The following PAK5 variants were observed in gnomAD, a reference collection of about 807,000 sequenced individuals.
PAK5 encodes the protein serine/threonine-protein kinase PAK 5.
In PAK5, 16 loss-of-function variants were observed where a neutral mutation model predicts 65.9. The ratio of observed to expected loss-of-function variants is 0.24; its 90% CI spans 0.16 to 0.37. The LOEUF is 0.37. PAK5 is among the 10% of genes least tolerant of loss of function. The pLI, the probability that PAK5 is intolerant of heterozygous loss-of-function variation, is 1.00. For missense variants in PAK5, 785 were observed against 903.9 expected (o/e 0.87, Z 1.69); for synonymous variants, 371 against 354.9 (o/e 1.05, Z -0.51).
intron 3 of PAK5, among the ~76,000 whole-genome samples, chr20:9,582,723 G>A (rs1021090824): frequency 1.3e-5 from 2 of 152,048 alleles, no homozygotes; most frequent in Admixed American, 6.6e-5. Context: ...AAAGTAGTTG[G>A]AATTCTTCTG....
At chr20:9,697,258 C>T (rs934664892) in intron 2 of PAK5, among the ~76,000 whole-genome samples, 6 of 152,094 alleles carry the variant, frequency 3.9e-5, no homozygotes, top group African/African-American at 1.4e-4. Context: ...CACTGCCCAT[C>T]ATGTAACAGA....
At chr20:9,719,753 C>T (rs1039863906) in intron 1 of PAK5, among the ~76,000 whole-genome samples, 2 of 152,122 alleles carry the variant, frequency 1.3e-5, no homozygotes, top group East Asian at 3.8e-4. Flanking sequence ...CTCTGGGCTT[C>T]CTCATCCTAA....
At chr20:9,727,590 T>C (rs2048290705) in intron 1 of PAK5, among the ~76,000 whole-genome samples, 1 of 152,186 alleles carries the variant, frequency 6.6e-6, no homozygotes, top group Non-Finnish European at 1.5e-5. Flanking sequence ...TCTCATTCCT[T>C]CTATGTTTAT....
At chr20:9,609,259 G>A (rs2046513565) in intron 3 of PAK5, among the ~76,000 whole-genome samples, 1 of 152,186 alleles carries the variant, frequency 6.6e-6, no homozygotes, top group African/African-American at 2.4e-5. Flanking sequence ...TGGCTTTCAG[G>A]TAGAGTCACA....
chr20:9,593,834 C>T (rs2046217558), intron 3 of PAK5, among the ~76,000 whole-genome samples: 1 of 152,182 alleles, frequency 6.6e-6, no homozygotes, highest in Non-Finnish European at 1.5e-5. Context: ...CTTTCTCTCT[C>T]TCTCTCTCTC....
chr20:9,552,956 G>A (rs1346637706), intron 7 of PAK5, among the ~76,000 whole-genome samples: 1 of 151,866 alleles, frequency 6.6e-6, no homozygotes, highest in Non-Finnish European at 1.5e-5. Flanking sequence ...TGAACTACTG[G>A]GCTCAAGCAA....
chr20:9,582,703 G>T (rs1475835195), intron 3 of PAK5, among the ~76,000 whole-genome samples: 3 of 152,044 alleles, frequency 2.0e-5, no homozygotes. Flanking sequence ...TGGGGGTAGG[G>T]TATCTATATA....
intron 4 of PAK5, among the ~76,000 whole-genome samples, chr20:9,579,462 A>C (rs1396562778): frequency 1.3e-5 from 2 of 152,212 alleles, no homozygotes; most frequent in Non-Finnish European, 1.5e-5. Context: ...ATCATAGACC[A>C]GTCAAATTTC....
At chr20:9,583,461 A>G (rs1269271594) in intron 3 of PAK5, among the ~76,000 whole-genome samples, 2 of 152,146 alleles carry the variant, frequency 1.3e-5, no homozygotes, top group Non-Finnish European at 2.9e-5. Flanking sequence ...ATTCCTTTAC[A>G]CTTATAGTTT....
chr20:9,626,744 T>G (rs2046849522), intron 3 of PAK5, among the ~76,000 whole-genome samples: 1 of 152,262 alleles, frequency 6.6e-6, no homozygotes, highest in Non-Finnish European at 1.5e-5. Flanking sequence ...CAGTTTGGAC[T>G]GAATTACCTA....
At chr20:9,713,887 G>T (rs1338990402) in intron 1 of PAK5, among the ~76,000 whole-genome samples, 1 of 151,912 alleles carries the variant, frequency 6.6e-6, no homozygotes, top group Non-Finnish European at 1.5e-5. Context: ...AAGAGAAGTT[G>T]ATTAATGAGT....
chr20:9,589,266 C>A (rs1283701057), intron 3 of PAK5, among the ~76,000 whole-genome samples: 2 of 152,190 alleles, frequency 1.3e-5, no homozygotes, highest in African/African-American at 4.8e-5. Context: ...TGGTAAAGAA[C>A]TGTCTTCCTT....
chr20:9,745,155 C>T (rs565940007), intron 1 of PAK5, among the ~76,000 whole-genome samples: 1 of 152,184 alleles, frequency 6.6e-6, no homozygotes, highest in East Asian at 1.9e-4. Context: ...CATTGGGGCT[C>T]ATTCATTCTT....
intron 3 of PAK5, among the ~76,000 whole-genome samples, chr20:9,606,431 G>A (rs2046456087): frequency 6.6e-6 from 1 of 152,146 alleles, no homozygotes; most frequent in Admixed American, 6.5e-5. Flanking sequence ...TTGTAGCAGT[G>A]TGAGAATGGA....
chr20:9,592,869 T>C (rs538244293), intron 3 of PAK5, among the ~76,000 whole-genome samples: 1 of 152,244 alleles, frequency 6.6e-6, no homozygotes, highest in East Asian at 1.9e-4. Flanking sequence ...TGTTGTGGGA[T>C]GTGGCTGTGG....
At chr20:9,685,447 C>T (rs1208344781) in intron 2 of PAK5, among the ~76,000 whole-genome samples, 7 of 152,038 alleles carry the variant, frequency 4.6e-5, no homozygotes. Flanking sequence ...GGGAGAACCA[C>T]AAATAATCAT....
Position 9,726,867 on chromosome 20 carries a change from A to G in PAK5, c.-161-15432T>C, listed in dbSNP as rs139021642. Among the ~76,000 whole-genome samples, 9 of 152,306 alleles carry G rather than the reference A, an allele frequency of 5.9e-5. No individual in the cohort carries two copies. In the East Asian group the frequency reaches 1.5e-3, roughly 26 times the overall value. On this transcript the variant is annotated intron_variant, in intron 1 of 9. Coordinates refer to ENST00000353224, the MANE Select transcript of PAK5 (RefSeq NM_177990.4). The stretch of plus-strand genomic sequence containing the variant: ...TATTAGCGACCAAAAAGGATGATCA[A>G]CTATGTATGCTAGACACCAAAGAGG...
chr20:9,586,754 T>A (rs1278733698), intron 3 of PAK5, among the ~76,000 whole-genome samples: 1 of 152,188 alleles, frequency 6.6e-6, no homozygotes, highest in Non-Finnish European at 1.5e-5. Context: ...AATTAATGTG[T>A]GGCCTCAGAA....
At chr20:9,614,124 T>C (rs576006290) in intron 3 of PAK5, among the ~76,000 whole-genome samples, 218 of 152,174 alleles carry the variant, frequency 1.4e-3, no homozygotes, top group Non-Finnish European at 2.0e-3. Flanking sequence ...CAAGAACAGA[T>C]GGGCAATGTA....
Sources: gnomAD v4.1 joint callset for allele counts (sites outside exome capture counted in the v4.1 genomes callset) on GRCh38, gnomAD v4.1.1 for gene constraint, MANE v1.5 for transcripts, NCBI Gene and HGNC (gene_info 2026-07-23, HGNC 2026-07-21) for gene names.